SHISA9: variants seen among roughly 807,000 people sequenced by gnomAD.
The protein encoded by SHISA9 is shisa family member 9, also known as protein shisa-9.
In SHISA9, 13 loss-of-function variants were observed where a neutral mutation model predicts 38.0. The observed-to-expected ratio is 0.34, with a 90% CI of 0.22 to 0.54. The LOEUF is 0.54. Ranked by LOEUF, SHISA9 falls within the 20% of genes least tolerant of loss-of-function variation. The pLI, the probability that SHISA9 is intolerant of heterozygous loss-of-function variation, is 0.91. For missense variants in SHISA9, 538 were observed against 575.8 expected, an observed-to-expected ratio of 0.93 and a Z score of 0.67; for synonymous variants, 275 against 242.0, an observed-to-expected ratio of 1.14 and a Z score of -1.27.
At chr16:13,204,210 G>GTCTATCTATCTATCTATCTA (rs199860829) in intron 3 of SHISA9, among the ~76,000 whole-genome samples, 6 of 140,986 alleles carry the variant, frequency 4.3e-5, no homozygotes, top group African/African-American at 7.9e-5. Flanking sequence ...CTGTCTGTCT[G>GTCTATCTATCTATCTATCTA]TCTATCTATC....
At chr16:13,192,013 T>A (rs1037690383) in intron 2 of SHISA9, among the ~76,000 whole-genome samples, 2 of 152,124 alleles carry the variant, frequency 1.3e-5, no homozygotes, top group Non-Finnish European at 2.9e-5. Flanking sequence ...GAAAATGTGG[T>A]ATATACACAC....
At chr16:13,138,384 C>A (rs1299091702) in intron 2 of SHISA9, among the ~76,000 whole-genome samples, 1 of 152,222 alleles carries the variant, frequency 6.6e-6, no homozygotes, top group Non-Finnish European at 1.5e-5. Flanking sequence ...TTCTCCTACA[C>A]TGTTTCATCC....
At chr16:13,014,074 C>A (rs1264043693) in intron 2 of SHISA9, among the ~76,000 whole-genome samples, 2 of 152,128 alleles carry the variant, frequency 1.3e-5, no homozygotes, top group Non-Finnish European at 2.9e-5. Context: ...GGAACTGTGT[C>A]AGGAGGTGCA....
At chr16:13,155,703 G>A (rs2050538684) in intron 2 of SHISA9, among the ~76,000 whole-genome samples, 1 of 152,070 alleles carries the variant, frequency 6.6e-6, no homozygotes, top group South Asian at 2.1e-4. Flanking sequence ...GCAATTACTG[G>A]GCCTGGGGGA....
chr16:12,910,531 A>G, intron 1 of SHISA9: 2 of 985,410 alleles, frequency 2.0e-6, no homozygotes, highest in Non-Finnish European at 2.4e-6. Flanking sequence ...CTTTCATAAG[A>G]AAGTACTGGT....
At chr16:13,009,607 C>T (rs558677754) in intron 2 of SHISA9, among the ~76,000 whole-genome samples, 97 of 152,320 alleles carry the variant, frequency 6.4e-4, no homozygotes, top group African/African-American at 2.3e-3. Flanking sequence ...AGATTCTCTT[C>T]TGTAGCTTTA....
the SHISA9 span, among the ~76,000 whole-genome samples, chr16:13,504,258 G>A: frequency 1.3e-5 from 2 of 152,060 alleles, no homozygotes; most frequent in South Asian, 2.1e-4. Flanking sequence ...CAACACGTAA[G>A]GTTTCATTAG....
chr16:13,012,041 G>A (rs1389894304), intron 2 of SHISA9, among the ~76,000 whole-genome samples: 1 of 151,254 alleles, frequency 6.6e-6, no homozygotes, highest in Non-Finnish European at 1.5e-5. Flanking sequence ...GGCCAGGCTT[G>A]TCTCGAACTC....
chr16:13,209,250 C>T (rs1368206710), intron 3 of SHISA9, among the ~76,000 whole-genome samples: 5 of 152,066 alleles, frequency 3.3e-5, no homozygotes, highest in Non-Finnish European at 5.9e-5. Context: ...CTCGGAGATA[C>T]GCTGGTACCT....
At chr16:13,242,748 ATTC>A (rs1596764011), downstream of SHISA9, among the ~76,000 whole-genome samples, 1 of 152,166 alleles carries the variant, frequency 6.6e-6, no homozygotes, top group Admixed American at 6.5e-5. Context: ...TGGACTGAGT[ATTC>A]TTCTTCCTGA....
the SHISA9 span, among the ~76,000 whole-genome samples, chr16:13,373,528 C>T: frequency 1.2e-4 from 18 of 152,120 alleles, no homozygotes; most frequent in African/African-American, 3.9e-4. Flanking sequence ...TTTGGGAGGC[C>T]GAGGCGGGCA....
At chr16:13,367,710 G>GCACA in the SHISA9 span, among the ~76,000 whole-genome samples, 325 of 90,544 alleles carry the variant, frequency 3.6e-3, 1 homozygote, top group African/African-American at 7.5e-3. Flanking sequence ...GCGCGCGCGC[G>GCACA]CGCACACACA....
In SHISA9 at chr16:12,950,993, G is replaced by A. The variant is rs184895887; in HGVS notation, c.691+34178G>A. The stretch of plus-strand genomic sequence containing the variant: ...TCTCAGCACTTTGTGGGGACGAGGC[G>A]GGTGGATCACTTGAGATCAGGAGTT... On this transcript the variant is annotated intron_variant, in intron 2 of 4. Coordinates refer to ENST00000558583, the MANE Select transcript of SHISA9 (RefSeq NM_001145204.3). Among the ~76,000 whole-genome samples the A allele has an allele frequency of 6.1e-3, 917 of 150,350 alleles. 8 individuals carry two copies. The highest frequency in any genetic ancestry group is 0.018 in the South Asian group (84 of 4,732).
At chr16:13,372,580 A>G in the SHISA9 span, among the ~76,000 whole-genome samples, 1 of 152,236 alleles carries the variant, frequency 6.6e-6, no homozygotes, top group Non-Finnish European at 1.5e-5. Flanking sequence ...GATTTGAGAC[A>G]TTTGAGACCA....
the SHISA9 span, among the ~76,000 whole-genome samples, chr16:13,469,442 A>AAAGAAAGAAAAAGAAAGG: frequency 3.3e-5 from 5 of 150,978 alleles, no homozygotes; most frequent in African/African-American, 1.2e-4. Context: ...AAAGAGAAAG[A>AAAGAAAGAAAAAGAAAGG]AAGAGAAAGA....
chr16:13,143,653 T>C (rs1567226281), intron 2 of SHISA9, among the ~76,000 whole-genome samples: 1 of 152,190 alleles, frequency 6.6e-6, no homozygotes, highest in South Asian at 2.1e-4. Context: ...TCTCTTTCCA[T>C]TGAAGACAAG....
intron 2 of SHISA9, among the ~76,000 whole-genome samples, chr16:13,073,901 C>A (rs570398727): frequency 6.6e-6 from 1 of 151,728 alleles, no homozygotes; most frequent in South Asian, 2.1e-4. Context: ...AGTCTGTGGA[C>A]TCCTTGGTTT....
chr16:13,539,062 G>A, the SHISA9 span, among the ~76,000 whole-genome samples: 1 of 151,906 alleles, frequency 6.6e-6, no homozygotes, highest in African/African-American at 2.4e-5. Flanking sequence ...TTTTCTGAGG[G>A]TCTTTGGCAT....
downstream of SHISA9, among the ~76,000 whole-genome samples, chr16:13,241,527 A>T (rs2051435285): frequency 2.0e-5 from 3 of 152,036 alleles, no homozygotes; most frequent in Non-Finnish European, 4.4e-5. Flanking sequence ...AAAAAGAAAA[A>T]TCCCTAGGCA....
Sources: gnomAD v4.1 joint callset for allele counts (sites outside exome capture counted in the v4.1 genomes callset) on GRCh38, gnomAD v4.1.1 for gene constraint, MANE v1.5 for transcripts, NCBI Gene and HGNC (gene_info 2026-07-23, HGNC 2026-07-21) for gene names.